The following PCDHGB7 variants were observed in gnomAD, a reference collection of about 807,000 sequenced individuals.
PCDHGB7 encodes the protein protocadherin gamma-B7.
Under a neutral mutation model 61.4 loss-of-function variants are expected in PCDHGB7, and 37 were observed. The observed-to-expected ratio is 0.60, with a 90% CI of 0.46 to 0.79. PCDHGB7 has a LOEUF of 0.79. PCDHGB7 is among the 30% of genes least tolerant of loss of function. PCDHGB7 has a pLI of 0.00. For synonymous variants in PCDHGB7, 464 were observed against 503.5 expected, an observed-to-expected ratio of 0.92 and a Z score of 1.05; for missense variants, 1,166 against 1,202.5, an observed-to-expected ratio of 0.97 and a Z score of 0.45.
At position 141,485,614 on chromosome 5, in the gene PCDHGB7, T is replaced by G; in HGVS notation, c.2416-9193T>G. 1 of 1,612,236 alleles carries G rather than the reference T, an allele frequency of 6.2e-7. No individual in the cohort carries two copies. Among genetic ancestry groups the G allele is most frequent in the Non-Finnish European group, 8.5e-7 (1 of 1,178,686 alleles). On this transcript the variant is annotated intron_variant, in intron 1 of 3. Transcript: ENST00000398594. The surrounding 1 kb of genome is among the most constrained non-coding windows in gnomAD (Gnocchi z 5.7). ...ACTTGGAAATTGGGGAGGCAGCTCC[T>G]CCAGGACAGCGTTTCCCGTTGGAAA...
chr5:141,430,509 G>T, intron 1 of PCDHGB7: 1 of 328,564 alleles, frequency 3.0e-6, no homozygotes. Flanking sequence ...GGGAGTTCAA[G>T]ATTGTGCAGT....
intron 1 of PCDHGB7, among the ~76,000 whole-genome samples, chr5:141,481,620 C>G (rs1449979532): frequency 6.6e-6 from 1 of 152,112 alleles, no homozygotes; most frequent in African/African-American, 2.4e-5. Context: ...GAGTTCAAGA[C>G]CGGCCTGGCC....
chr5:141,455,833 G>A (rs999291826), intron 1 of PCDHGB7, among the ~76,000 whole-genome samples: 1 of 151,468 alleles, frequency 6.6e-6, no homozygotes, highest in Admixed American at 6.6e-5. Flanking sequence ...CCCTTTTCCT[G>A]TCTATCTGCA....
chr5:141,495,878 T>C (rs2099764378), intron 2 of PCDHGB7, among the ~76,000 whole-genome samples: 1 of 152,184 alleles, frequency 6.6e-6, no homozygotes, highest in African/African-American at 2.4e-5. Context: ...TTCCTCTCTG[T>C]TCTTTGTCTC....
At chr5:141,455,160 G>GT (rs59530096) in intron 1 of PCDHGB7, among the ~76,000 whole-genome samples, 26,536 of 149,098 alleles carry the variant, frequency 0.18, 2,386 homozygotes, top group South Asian at 0.23. Flanking sequence ...TAGTTTGTTG[G>GT]TTTTTTTTTT....
In PCDHGB7 at chr5:141,490,052, A is replaced by G. The variant is rs774710472; in HGVS notation, c.2416-4755A>G. 11 of 1,614,098 alleles carry G rather than the reference A, an allele frequency of 6.8e-6. No homozygotes were observed. The highest frequency in any genetic ancestry group is 9.3e-6 in the Non-Finnish European group (11 of 1,180,014). On this transcript the variant is annotated intron_variant, in intron 1 of 3. Transcript: ENST00000398594. The surrounding 1 kb of genome is among the most constrained non-coding windows in gnomAD (Gnocchi z 5.4). ...CGCCTCAATGCCACTGATCCAGACG[A>G]GGGCACCAACGGCCAACTAGACTAT... is the stretch of plus-strand genomic sequence containing the variant.
At chr5:141,508,499 C>T (rs1425054102) in intron 3 of PCDHGB7, among the ~76,000 whole-genome samples, 7 of 152,212 alleles carry the variant, frequency 4.6e-5, no homozygotes, top group Non-Finnish European at 1.0e-4. Flanking sequence ...CATATCTTCT[C>T]TCCCTCCTGG....
At chr5:141,496,630 T>C (rs2099770022) in intron 2 of PCDHGB7, among the ~76,000 whole-genome samples, 1 of 152,202 alleles carries the variant, frequency 6.6e-6, no homozygotes, top group Non-Finnish European at 1.5e-5. Context: ...TCAAAAGGCT[T>C]GGGCTGCCCT....
In PCDHGB7 at chr5:141,486,049, C is replaced by T. The variant is rs766853468; in HGVS notation, c.2416-8758C>T. 1 of 1,614,206 alleles carries T rather than the reference C, an allele frequency of 6.2e-7. No homozygotes were observed. The highest frequency in any genetic ancestry group is 8.5e-7 in the Non-Finnish European group (1 of 1,180,034). ...ATACCCCTGATCGTGTAAGAAACCT[C>T]TTTAGCCTGCACCCCACTACTGGAA... On this transcript the variant is annotated intron_variant, in intron 1 of 3. Transcript: ENST00000398594. The surrounding 1 kb of genome is among the most constrained non-coding windows in gnomAD (Gnocchi z 5.0).
At position 141,487,736 on chromosome 5, in the gene PCDHGB7, G is replaced by C; in HGVS notation, c.2416-7071G>C. On this transcript the variant is annotated intron_variant, in intron 1 of 3. Transcript: ENST00000398594. The surrounding 1 kb of genome is among the most constrained non-coding windows in gnomAD (Gnocchi z 5.0). Reference sequence around the variant, plus strand: ...TGCCCATAGTGATGTCACCATTTTTGTAAGAGGTAACTATGTGGTAGACGC... The same window carrying C: ...TGCCCATAGTGATGTCACCATTTTTCTAAGAGGTAACTATGTGGTAGACGC... 1 of 1,563,758 alleles carries C rather than the reference G, an allele frequency of 6.4e-7. No homozygotes were observed.
chr5:141,476,772 G>A lies in PCDHGB7; in HGVS notation c.2416-18035G>A. 1 of 1,613,650 alleles carries A rather than the reference G, an allele frequency of 6.2e-7. No homozygotes were observed. Among genetic ancestry groups the A allele is most frequent in the South Asian group, 1.1e-5 (1 of 91,086 alleles). ...CAGTTAGTGCTGACGGCGTTGGACG[G>A]AGGGACCCCAGCTCTCTCCGCCAGC... is the stretch of plus-strand genomic sequence containing the variant. On this transcript the variant is annotated intron_variant, in intron 1 of 3. Coordinates refer to ENST00000398594, the MANE Select transcript of PCDHGB7 (RefSeq NM_018927.4). The surrounding 1 kb of genome is among the most constrained non-coding windows in gnomAD (Gnocchi z 7.6).
At chr5:141,420,811 CT>C (rs2096526727) in intron 1 of PCDHGB7, among the ~76,000 whole-genome samples, 1 of 152,214 alleles carries the variant, frequency 6.6e-6, no homozygotes, top group Admixed American at 6.5e-5. Flanking sequence ...TAAGCAAGCC[CT>C]TTTAATAATT....
chr5:141,491,114 C>T lies in PCDHGB7; in HGVS notation c.2416-3693C>T, dbSNP rs1240431232. 1 of 1,614,104 alleles carries T rather than the reference C, an allele frequency of 6.2e-7. No homozygotes were observed. Among genetic ancestry groups the T allele is most frequent in the Admixed American group, 1.7e-5 (1 of 60,012 alleles). ...GGACTGTTCCTCGTGTCTACACACA[C>T]TGGTGAGGTGCGCACAGCCCGGGCC... On this transcript the variant is annotated intron_variant, in intron 1 of 3. Transcript: ENST00000398594. The surrounding 1 kb of genome is among the most constrained non-coding windows in gnomAD (Gnocchi z 6.9).
intron 1 of PCDHGB7, 93 bp downstream of exon 1, chr5:141,420,367 T>C: frequency 7.3e-7 from 1 of 1,360,684 alleles, no homozygotes; most frequent in Non-Finnish European, 9.7e-7. Flanking sequence ...CTAGATAACT[T>C]CTTCATAGAG....
chr5:141,448,706 C>G (rs1344013319), intron 1 of PCDHGB7, among the ~76,000 whole-genome samples: 1 of 151,732 alleles, frequency 6.6e-6, no homozygotes, highest in African/African-American at 2.4e-5. Context: ...TTTGGGAGGC[C>G]GAGGCGGGAG....
In PCDHGB7 at chr5:141,419,665, C is replaced by T; in HGVS notation, c.1806C>T (p.Ala602=). 1 of 1,612,860 alleles carries T rather than the reference C, an allele frequency of 6.2e-7. No individual in the cohort carries two copies. The highest frequency in any genetic ancestry group is 2.2e-5 in the East Asian group (1 of 44,884). Residue 602 remains alanine, a synonymous_variant, in exon 1 of 4, where the codon GCC becomes GCT. Coordinates refer to ENST00000398594, the MANE Select transcript of PCDHGB7 (RefSeq NM_018927.4). ...TGGACGCGGACTCGGGGCACAATGC[C>T]TGGCTGTCCTACCACGTGGTGCAGG... ...VAVDADSGHN[A]WLSYHVVQAS... is the part of the protein sequence containing the mutation.
intron 1 of PCDHGB7, chr5:141,433,252 G>T (rs1398141147): frequency 1.4e-6 from 2 of 1,425,340 alleles, no homozygotes; most frequent in Non-Finnish European, 1.9e-6. Flanking sequence ...GGAATGCAGC[G>T]GTACGATCAT....
intron 2 of PCDHGB7, among the ~76,000 whole-genome samples, chr5:141,501,703 G>A (rs183907124): frequency 6.6e-6 from 1 of 152,088 alleles, no homozygotes; most frequent in Non-Finnish European, 1.5e-5. Flanking sequence ...GTGATTCCGA[G>A]GATAAAAAAG....
Position 141,491,170 on chromosome 5 carries a change from G to A in PCDHGB7, c.2416-3637G>A. The stretch of plus-strand genomic sequence containing the variant: ...GGAGGATGACTCTGACACCCAGCAG[G>A]TGGTGGTCCTGGTGAGGGACAATGG... On this transcript the variant is annotated intron_variant, in intron 1 of 3. Coordinates refer to ENST00000398594, the MANE Select transcript of PCDHGB7 (RefSeq NM_018927.4). The surrounding 1 kb of genome is among the most constrained non-coding windows in gnomAD (Gnocchi z 6.9). 6.2e-7 allele frequency: 1 copy of A among 1,614,176 alleles called. No individual in the cohort carries two copies. Among genetic ancestry groups the A allele is most frequent in the Non-Finnish European group, 8.5e-7 (1 of 1,179,996 alleles).
Sources: gnomAD v4.1 joint callset for allele counts (sites outside exome capture counted in the v4.1 genomes callset) on GRCh38, gnomAD v4.1.1 for gene constraint, Gnocchi (gnomAD v3.1) non-coding constraint, MANE v1.5 for transcripts, NCBI Gene and HGNC (gene_info 2026-07-23, HGNC 2026-07-21) for gene names.